TEX11: variants seen among roughly 807,000 people sequenced by gnomAD.
TEX11 encodes the protein testis-expressed protein 11.
A neutral mutation model predicts 84.4 loss-of-function variants in TEX11; 7 were observed. That is an observed-to-expected ratio of 0.08 (90% CI 0.05 to 0.16). The LOEUF is 0.16. Among genes scored for constraint, TEX11 ranks in the 10% least tolerant of loss-of-function variants. The pLI, the probability that TEX11 is intolerant of heterozygous loss-of-function variation, is 1.00. For synonymous variants in TEX11, 264 were observed against 222.8 expected (o/e 1.18, Z -1.64); for missense variants, 551 against 660.5 (o/e 0.83, Z 1.82).
At chrX:70,732,485 CA>C (rs1471479888) in intron 11 of TEX11, among the ~76,000 whole-genome samples, 5 of 111,651 alleles carry the variant, frequency 4.5e-5, no homozygotes, top group African/African-American at 1.6e-4. Flanking sequence ...GCAAAAATCA[CA>C]AGCATTCTTA....
chrX:70,785,822 G>A (rs2091074820), intron 9 of TEX11, among the ~76,000 whole-genome samples: 1 of 111,989 alleles, frequency 8.9e-6, no homozygotes, highest in Admixed American at 9.5e-5. Flanking sequence ...GGAAACAACA[G>A]GTGCTGGTAA....
chrX:70,750,722 G>A (rs1679978439), intron 9 of TEX11, among the ~76,000 whole-genome samples: 1 of 97,698 alleles, frequency 1.0e-5, no homozygotes, highest in Admixed American at 1.1e-4. Context: ...ATTGAACAAT[G>A]AGATCACATG....
At chrX:70,683,078 T>C (rs1331534283) in intron 13 of TEX11, among the ~76,000 whole-genome samples, 2 of 111,488 alleles carry the variant, frequency 1.8e-5, no homozygotes, top group Non-Finnish European at 3.8e-5. Context: ...TAATATCTAA[T>C]TTATGTTTTT....
intron 8 of TEX11, among the ~76,000 whole-genome samples, chrX:70,813,642 A>G (rs1434531711): frequency 9.0e-6 from 1 of 111,566 alleles, no homozygotes; most frequent in Non-Finnish European, 1.9e-5. Context: ...CCAATTAGGA[A>G]AAGAGGAAGT....
chrX:70,624,110 G>A (rs1418337292), intron 19 of TEX11, 104 bp from the exon 20 acceptor site: 3 of 523,541 alleles, frequency 5.7e-6, no homozygotes, highest in Non-Finnish European at 9.0e-6. Flanking sequence ...GGAGGGAGAA[G>A]TGAGAAAAGA....
At chrX:70,567,368 T>C (rs750986244) in intron 25 of TEX11, among the ~76,000 whole-genome samples, 2 of 111,706 alleles carry the variant, frequency 1.8e-5, no homozygotes, top group South Asian at 7.5e-4. Context: ...CCTGGATTCA[T>C]GAATTTTTTG....
chrX:70,523,077 T>C, the TEX11 span, among the ~76,000 whole-genome samples: 1 of 110,961 alleles, frequency 9.0e-6, no homozygotes, highest in East Asian at 2.8e-4. Context: ...GTTTTAGTTA[T>C]GATTAGTTTT....
the TEX11 span, among the ~76,000 whole-genome samples, chrX:70,519,098 T>C: frequency 7.9e-4 from 89 of 112,091 alleles, no homozygotes; most frequent in African/African-American, 2.7e-3. Flanking sequence ...AATTGGGGCA[T>C]TTAGCCCATT....
At chrX:70,847,657 T>A (rs2091486715) in intron 7 of TEX11, among the ~76,000 whole-genome samples, 1 of 111,935 alleles carries the variant, frequency 8.9e-6, no homozygotes, top group Non-Finnish European at 1.9e-5. Flanking sequence ...TCCTCCTGTT[T>A]CAGCCTCCCA....
intron 28 of TEX11, among the ~76,000 whole-genome samples, chrX:70,544,884 A>C (rs897355284): frequency 9.3e-5 from 10 of 107,885 alleles, no homozygotes; most frequent in Admixed American, 4.0e-4. Flanking sequence ...AAAAAAACCC[A>C]AAAAAAACCT....
chrX:70,624,027 G>A lies in TEX11; in HGVS notation c.1695-21C>T, dbSNP rs764924397. 34 of 1,177,664 alleles carry A rather than the reference G, an allele frequency of 2.9e-5. No homozygotes were observed. The South Asian group carries it at 5.3e-4, about 18-fold the overall frequency. ...AACACCTGTATGACAAAGTAATATG[G>A]AAAGTGATTCTTAGGTTAGGAAGAA... On this transcript the variant is annotated intron_variant, in intron 19 of 29. Transcript: ENST00000374333.
At chrX:70,585,394 T>A (rs7062511) in intron 25 of TEX11, among the ~76,000 whole-genome samples, 3,653 of 112,306 alleles carry the variant, frequency 0.033, 150 homozygotes, top group African/African-American at 0.11. Context: ...CCTACATTTA[T>A]GGATTGGAAG....
intron 23 of TEX11, 40 bp downstream of exon 23, chrX:70,606,919 T>C (rs760929206): frequency 2.1e-6 from 2 of 937,321 alleles, no homozygotes; most frequent in East Asian, 3.1e-5. Flanking sequence ...TATAGCCTTG[T>C]TGTGGTCCAT....
At position 70,581,425 on chromosome X, in the gene TEX11, A is replaced by G. The variant is rs376009599; in HGVS notation, c.2140+10326T>C. 4.6e-4 allele frequency among the ~76,000 whole-genome samples: 50 copies of G among 107,777 alleles called. 2 individuals are homozygous for G. The East Asian group carries it at 4.6e-3, about 10-fold the overall frequency. The allele number at this position is 107,777 out of a possible 115,157, so 93.6% of individuals were successfully genotyped here. A position where few individuals can be genotyped will look rare whatever the true frequency, so the allele number is the denominator to read the frequency against. ...GTAATTCTCCTAGCACAGCCTCCCA[A>G]GTAGCTGGGACTATAGGCATGTACC... On this transcript the variant is annotated intron_variant, in intron 25 of 29. Coordinates refer to ENST00000374333, the MANE Select transcript of TEX11 (RefSeq NM_031276.3).
chrX:70,715,766 C>T (rs948276263), intron 13 of TEX11, among the ~76,000 whole-genome samples: 1 of 111,900 alleles, frequency 8.9e-6, no homozygotes, highest in African/African-American at 3.3e-5. Flanking sequence ...GTAGTTTGAT[C>T]GTCTGAAGCC....
chrX:70,732,009 C>G (rs2090656314), intron 11 of TEX11, among the ~76,000 whole-genome samples: 1 of 111,939 alleles, frequency 8.9e-6, no homozygotes, highest in Admixed American at 9.5e-5. Flanking sequence ...ATGTGCAAAT[C>G]AATAAATGTA....
intron 17 of TEX11, among the ~76,000 whole-genome samples, chrX:70,639,481 A>G (rs2089621242): frequency 8.9e-6 from 1 of 112,176 alleles, no homozygotes; most frequent in Admixed American, 9.4e-5. Context: ...CAGACAAACA[A>G]AAAGACAGCA....
intron 13 of TEX11, among the ~76,000 whole-genome samples, chrX:70,702,968 T>C (rs1048403009): frequency 1.8e-5 from 2 of 111,901 alleles, no homozygotes; most frequent in African/African-American, 6.5e-5. Context: ...CTTTATATAG[T>C]GGCAAACTTT....
chrX:70,706,294 A>G (rs2090374887), intron 13 of TEX11, among the ~76,000 whole-genome samples: 1 of 89,128 alleles, frequency 1.1e-5, no homozygotes, highest in South Asian at 7.1e-4. Flanking sequence ...AACATCACAC[A>G]CTGGGGCCTG....
Sources: allele counts gnomAD v4.1 joint callset (sites outside exome capture counted in the v4.1 genomes callset), GRCh38; gene constraint gnomAD v4.1.1; transcripts MANE v1.5; gene names NCBI Gene and HGNC (gene_info 2026-07-23, HGNC 2026-07-21).